SLC25A12: variants seen among roughly 807,000 people sequenced by gnomAD.
The protein encoded by SLC25A12 is electrogenic aspartate/glutamate antiporter SLC25A12, mitochondrial.
A neutral mutation model predicts 83.3 loss-of-function variants in SLC25A12; 32 were observed. The ratio of observed to expected loss-of-function variants is 0.38; its 90% CI spans 0.29 to 0.52. The LOEUF is 0.52. SLC25A12 is among the 20% of genes least tolerant of loss of function. The probability of loss-of-function intolerance (pLI) is 0.84; values close to 1 mark genes in which losing one functional copy is unlikely to be tolerated. For missense variants in SLC25A12, 611 were observed against 835.6 expected, an observed-to-expected ratio of 0.73 and a Z score of 3.31; for synonymous variants, 267 against 291.1, an observed-to-expected ratio of 0.92 and a Z score of 0.84.
At chr2:171,839,429 G>A (rs116723456) in intron 5 of SLC25A12, among the ~76,000 whole-genome samples, 3,653 of 152,258 alleles carry the variant, frequency 0.024, 60 homozygotes, top group Non-Finnish European at 0.031. Context: ...AGAACTAAAG[G>A]AAAGATAAAG....
At chr2:171,851,079 A>C (rs1233169339) in intron 4 of SLC25A12, among the ~76,000 whole-genome samples, 1 of 152,232 alleles carries the variant, frequency 6.6e-6, no homozygotes, top group African/African-American at 2.4e-5. Flanking sequence ...GTCCATTCCT[A>C]GGCAAACACC....
At chr2:171,866,443 C>A (rs1247367787) in intron 3 of SLC25A12, among the ~76,000 whole-genome samples, 1 of 105,358 alleles carries the variant, frequency 9.5e-6, no homozygotes, top group East Asian at 2.4e-4. Flanking sequence ...CCGGACGGGG[C>A]GGCTGGCCGG....
chr2:171,883,462 C>A (rs1479761815), intron 2 of SLC25A12, among the ~76,000 whole-genome samples: 1 of 152,192 alleles, frequency 6.6e-6, no homozygotes, highest in East Asian at 1.9e-4. Context: ...AAAGGAGTTT[C>A]ATCCAGCTCA....
Position 171,894,194 on chromosome 2 carries a change from T to TG in SLC25A12, c.12+8dup. On this transcript the variant is annotated intron_variant, in intron 1 of 17. Transcript: ENST00000422440. ...TGCAATAAAAGCAGCAGCAGAGAGT[T>TG]GGAGTCACCTTGACCGCCATGCTGT... The TG allele has an allele frequency of 6.2e-7, 1 of 1,608,510 alleles. No individual in the cohort carries two copies. The highest frequency in any genetic ancestry group is 1.7e-5 in the Admixed American group (1 of 59,458).
At chr2:171,875,654 C>T (rs1685548350) in intron 2 of SLC25A12, among the ~76,000 whole-genome samples, 1 of 150,294 alleles carries the variant, frequency 6.7e-6, no homozygotes, top group Admixed American at 6.6e-5. Context: ...TGGCTCACAC[C>T]TGTAATCTCA....
At chr2:171,867,823 G>C (rs186822217) in intron 3 of SLC25A12, among the ~76,000 whole-genome samples, 101 of 152,246 alleles carry the variant, frequency 6.6e-4, no homozygotes, top group Middle Eastern at 3.4e-3. Flanking sequence ...GCTACACCTT[G>C]ATTTAAAAAC....
chr2:171,885,714 T>C (rs973112946), intron 2 of SLC25A12, among the ~76,000 whole-genome samples: 28 of 152,008 alleles, frequency 1.8e-4, no homozygotes, highest in African/African-American at 5.6e-4. Context: ...GGTTATCATC[T>C]TCAATTTCCA....
At chr2:171,893,320 A>G in intron 1 of SLC25A12, 62 bp from the exon 2 acceptor site, 2 of 1,362,858 alleles carry the variant, frequency 1.5e-6, no homozygotes, top group Non-Finnish European at 2.1e-6. Flanking sequence ...CAATCTCTTC[A>G]GATTAGAGGT....
At chr2:171,821,230 T>C (rs186048947) in intron 9 of SLC25A12, among the ~76,000 whole-genome samples, 34 of 151,800 alleles carry the variant, frequency 2.2e-4, no homozygotes, top group African/African-American at 8.2e-4. Context: ...TGGGGATTCA[T>C]CATGTTAGAC....
intron 2 of SLC25A12, among the ~76,000 whole-genome samples, chr2:171,871,197 G>A (rs36000280): frequency 1.2e-3 from 182 of 152,060 alleles, no homozygotes; most frequent in Admixed American, 2.0e-3. Flanking sequence ...GCAAGACCCT[G>A]TCCAAAAGAA....
At chr2:171,804,664 T>G (rs1390361026) in intron 13 of SLC25A12, among the ~76,000 whole-genome samples, 1 of 152,182 alleles carries the variant, frequency 6.6e-6, no homozygotes, top group African/African-American at 2.4e-5. Flanking sequence ...GTAACTCTAG[T>G]ACTTTGGGAG....
intron 15 of SLC25A12, chr2:171,789,092 G>A (rs1047246029): frequency 3.9e-5 from 6 of 152,312 alleles, no homozygotes; most frequent in Non-Finnish European, 5.9e-5. Flanking sequence ...GGAAAAGCCT[G>A]GAAGGCAAAT....
At chr2:171,844,576 C>G (rs1490354084) in intron 4 of SLC25A12, 68 bp from the exon 5 acceptor site, 1 of 1,118,208 alleles carries the variant, frequency 8.9e-7, no homozygotes, top group Non-Finnish European at 1.3e-6. Flanking sequence ...TGCAATGTTC[C>G]TACAGAAAAA....
chr2:171,815,314 G>C, intron 9 of SLC25A12, 112 bp from the exon 10 acceptor site: 1 of 725,862 alleles, frequency 1.4e-6, no homozygotes, highest in Middle Eastern at 2.3e-4. Flanking sequence ...AAGTGATATT[G>C]TTAATGCAGT....
chr2:171,848,483 T>C (rs896046169), intron 4 of SLC25A12, among the ~76,000 whole-genome samples: 4 of 152,220 alleles, frequency 2.6e-5, no homozygotes, highest in African/African-American at 9.7e-5. Context: ...GAGAGGTTTT[T>C]AGGACTCCCA....
intron 4 of SLC25A12, among the ~76,000 whole-genome samples, chr2:171,848,685 C>T (rs1297728242): frequency 6.6e-6 from 1 of 152,144 alleles, no homozygotes; most frequent in Non-Finnish European, 1.5e-5. Flanking sequence ...GAGGAAGTCC[C>T]AACCAACATG....
chr2:171,857,692 A>T (rs188942265), intron 3 of SLC25A12, among the ~76,000 whole-genome samples: 2,708 of 151,582 alleles, frequency 0.018, 27 homozygotes, highest in Non-Finnish European at 0.027. Flanking sequence ...TTAAAAAAAA[A>T]TTTTTTTTAA....
intron 15 of SLC25A12, 62 bp downstream of exon 15, chr2:171,791,389 G>A (rs1397332079): frequency 1.5e-6 from 2 of 1,333,268 alleles, no homozygotes; most frequent in African/African-American, 2.9e-5. Context: ...AAAGTACATA[G>A]AGATTCTGTA....
intron 15 of SLC25A12, among the ~76,000 whole-genome samples, chr2:171,790,622 G>A (rs1271578502): frequency 6.6e-6 from 1 of 152,188 alleles, no homozygotes; most frequent in Non-Finnish European, 1.5e-5. Context: ...GGAAAGGCAA[G>A]GATGAAGAGA....
Sources: allele counts gnomAD v4.1 joint callset (sites outside exome capture counted in the v4.1 genomes callset), GRCh38; gene constraint gnomAD v4.1.1; transcripts MANE v1.5; gene names NCBI Gene and HGNC (gene_info 2026-07-23, HGNC 2026-07-21).